ANAPC1: variants seen among roughly 807,000 people sequenced by gnomAD.
ANAPC1 encodes the protein anaphase promoting complex subunit 1.
ANAPC1 carries 36 observed loss-of-function variants against 208.0 expected under a neutral mutation model. That is an observed-to-expected ratio of 0.17 (90% CI 0.13 to 0.23). The LOEUF (loss-of-function observed/expected upper bound fraction) is 0.23. Among genes scored for constraint, ANAPC1 ranks in the 10% least tolerant of loss-of-function variants. The probability of loss-of-function intolerance (pLI) is 1.00; values close to 1 mark genes in which losing one functional copy is unlikely to be tolerated. For missense variants in ANAPC1, 942 were observed against 2,011.6 expected (o/e 0.47, Z 10.17); for synonymous variants, 378 against 695.2 (o/e 0.54, Z 7.18).
At chr2:111,826,896 T>C (rs1679867941) in intron 21 of ANAPC1, among the ~76,000 whole-genome samples, 1 of 152,152 alleles carries the variant, frequency 6.6e-6, no homozygotes. Context: ...CCTGACCTCG[T>C]GATCCGCCCT....
rs369225823 is a variant in ANAPC1, at chr2:111,833,184, A to T, written c.2476+36T>A. 10 of 1,557,408 alleles carry T rather than the reference A, an allele frequency of 6.4e-6. No individual in the cohort carries two copies. The African/African-American group carries it at 1.1e-4, about 17-fold the overall frequency. ...GAAAGATACAAGGAAATATCACTAC[A>T]CTGTTTAGAAAATATTTAAAAGCAC... On this transcript the variant is annotated intron_variant, in intron 20 of 47. Transcript: ENST00000341068.
At chr2:111,807,852 AG>A (rs1573366658) in intron 29 of ANAPC1, among the ~76,000 whole-genome samples, 1 of 150,854 alleles carries the variant, frequency 6.6e-6, no homozygotes, top group East Asian at 2.0e-4. Context: ...ATATAGCCAA[AG>A]AAGGGTAGAC....
rs1682808535 is a variant in ANAPC1 at position 111,872,512 on chromosome 2, T to C, written c.611+118A>G. The C allele has an allele frequency of 5.0e-6, 4 of 793,320 alleles. No individual in the cohort carries two copies. The African/African-American group carries it at 5.3e-5, about 11-fold the overall frequency. 49.1% of individuals were successfully genotyped at this position (793,320 alleles called of 1,614,324 possible). A position where few individuals can be genotyped will look rare whatever the true frequency, so the allele number is the denominator to read the frequency against. On this transcript the variant is annotated intron_variant, in intron 6 of 47. Transcript: ENST00000341068. ...TGTACTGAGATGAGAGAAAATGGCA[T>C]ATATCTATGCTGTCAACATGAAAAT...
At chr2:111,838,294 C>T (rs1680582346) in intron 18 of ANAPC1, 144 bp downstream of exon 18, 2 of 578,078 alleles carry the variant, frequency 3.5e-6, no homozygotes, top group African/African-American at 1.9e-5. Context: ...TCCTACTCTT[C>T]AAAATAATTG....
At chr2:111,867,945 T>C in intron 7 of ANAPC1, 78 bp downstream of exon 7, 2 of 871,558 alleles carry the variant, frequency 2.3e-6, no homozygotes, top group Admixed American at 2.7e-5. Flanking sequence ...TCAGTTTTCA[T>C]ATAAGCGCCT....
At chr2:111,882,558 T>G (rs1376545210) in intron 1 of ANAPC1, among the ~76,000 whole-genome samples, 1 of 150,652 alleles carries the variant, frequency 6.6e-6, no homozygotes, top group Non-Finnish European at 1.5e-5. Flanking sequence ...GGTCAAACCC[T>G]GTCTCTACTA....
At chr2:111,876,512 T>C (rs1212779705) in intron 3 of ANAPC1, among the ~76,000 whole-genome samples, 1 of 152,184 alleles carries the variant, frequency 6.6e-6, no homozygotes, top group Non-Finnish European at 1.5e-5. Context: ...ATCTAGTAAA[T>C]AGGCAACTGT....
intron 13 of ANAPC1, among the ~76,000 whole-genome samples, chr2:111,852,199 C>CT (rs1553431672): frequency 1.3e-5 from 2 of 149,956 alleles, no homozygotes; most frequent in Non-Finnish European, 3.0e-5. Flanking sequence ...TATAATGCAA[C>CT]TAACAGAAGA....
At chr2:111,823,175 A>G (rs913548351) in intron 24 of ANAPC1, among the ~76,000 whole-genome samples, 2 of 149,966 alleles carry the variant, frequency 1.3e-5, no homozygotes, top group Admixed American at 6.6e-5. Context: ...ATGCCCGGCT[A>G]ATTTTTTTTG....
downstream of ANAPC1, chr2:111,766,477 TG>T (rs1676476002): frequency 6.4e-6 from 1 of 156,446 alleles, no homozygotes; most frequent in Non-Finnish European, 1.4e-5. Flanking sequence ...ACCTCACCTC[TG>T]CTTCTTTCCC....
intron 43 of ANAPC1, among the ~76,000 whole-genome samples, chr2:111,782,156 T>C (rs903419970): frequency 1.3e-5 from 2 of 149,418 alleles, no homozygotes; most frequent in Non-Finnish European, 3.0e-5. Flanking sequence ...TTTTACTTTA[T>C]TATATATATA....
intron 6 of ANAPC1, among the ~76,000 whole-genome samples, chr2:111,869,371 G>A (rs974336300): frequency 6.6e-6 from 1 of 151,990 alleles, no homozygotes; most frequent in African/African-American, 2.4e-5. Flanking sequence ...AGCCTCCCGA[G>A]TAGCTGGGAT....
rs1679803261 is a variant in ANAPC1, at chr2:111,825,823, G to A, written c.2658C>T (p.Ser886=). The A allele has an allele frequency of 1.2e-6, 2 of 1,613,552 alleles. No homozygotes were observed. Among genetic ancestry groups the A allele is most frequent in the Non-Finnish European group, 1.7e-6 (2 of 1,179,722 alleles). Reference sequence around the variant, plus strand: ...ACTGTGAGGATTCATCAGAAACCAAGCTCTCATCACCAAGTATGTACAGTG... The same window carrying A: ...ACTGTGAGGATTCATCAGAAACCAAACTCTCATCACCAAGTATGTACAGTG... ...SIALYILGDE[S]LVSDESSQYL... Residue 886 remains serine, a synonymous_variant, in exon 22 of 48, where the codon AGC becomes AGT. Coordinates refer to ENST00000341068, the MANE Select transcript of ANAPC1 (RefSeq NM_022662.4).
At chr2:111,833,493 ATC>A (rs1680293888) in intron 19 of ANAPC1, among the ~76,000 whole-genome samples, 182 bp from the exon 20 acceptor site, 1 of 151,982 alleles carries the variant, frequency 6.6e-6, no homozygotes, top group Non-Finnish European at 1.5e-5. Flanking sequence ...ATGGAACCCA[ATC>A]TCTTTTTGCT....
chr2:111,853,779 T>C (rs574099767), intron 13 of ANAPC1, among the ~76,000 whole-genome samples: 1,556 of 152,090 alleles, frequency 0.01, 11 homozygotes, highest in Middle Eastern at 0.031. Context: ...TGCAGTGGCG[T>C]AATCTCGGCT....
chr2:111,867,703 A>C (rs1682511248), intron 7 of ANAPC1, among the ~76,000 whole-genome samples: 2 of 129,668 alleles, frequency 1.5e-5, no homozygotes, highest in Non-Finnish European at 3.6e-5. Flanking sequence ...AAAAAAAAAA[A>C]ACCCAAAACA....
At chr2:111,876,958 T>C (rs553857473) in intron 3 of ANAPC1, among the ~76,000 whole-genome samples, 43 of 152,280 alleles carry the variant, frequency 2.8e-4, no homozygotes, top group African/African-American at 1.0e-3. Flanking sequence ...GCAGCAAACA[T>C]ATTTCACCTA....
intron 20 of ANAPC1, 147 bp from the exon 21 acceptor site, chr2:111,831,581 T>G (rs2104458668): frequency 1.3e-6 from 1 of 760,122 alleles, no homozygotes; most frequent in East Asian, 2.9e-5. Flanking sequence ...GGCTCACGCC[T>G]GTAACCCCAG....
chr2:111,867,434 T>C (rs7588322), intron 7 of ANAPC1, among the ~76,000 whole-genome samples: 87,457 of 150,976 alleles, frequency 0.58, 26,188 homozygotes, highest in South Asian at 0.69. Context: ...CTCACCCCTG[T>C]AATCTCAGAA....
Sources: gnomAD v4.1 joint callset for allele counts (sites outside exome capture counted in the v4.1 genomes callset) on GRCh38, gnomAD v4.1.1 for gene constraint, MANE v1.5 for transcripts, NCBI Gene and HGNC (gene_info 2026-07-23, HGNC 2026-07-21) for gene names.